NAALADL2: variants seen among roughly 807,000 people sequenced by gnomAD.
NAALADL2 encodes the protein inactive N-acetylated-alpha-linked acidic dipeptidase-like protein 2.
NAALADL2 carries 76 observed loss-of-function variants against 87.2 expected under a neutral mutation model. The observed-to-expected ratio is 0.87, with a 90% CI of 0.72 to 1.05. The LOEUF (loss-of-function observed/expected upper bound fraction) is 1.05. Ranked by LOEUF, NAALADL2 falls within the 50% of genes least tolerant of loss-of-function variation. The probability of loss-of-function intolerance (pLI) is 0.00; values close to 1 mark genes in which losing one functional copy is unlikely to be tolerated. For synonymous variants in NAALADL2, 354 were observed against 331.0 expected (o/e 1.07, Z -0.75); for missense variants, 1,089 against 945.8 (o/e 1.15, Z -1.99).
At chr3:174,934,171 C>T (rs540460259) in intron 1 of NAALADL2, among the ~76,000 whole-genome samples, 1 of 152,294 alleles carries the variant, frequency 6.6e-6, no homozygotes, top group South Asian at 2.1e-4. Flanking sequence ...CTGACAACAA[C>T]AACAGTAACC....
At chr3:175,311,706 C>A (rs1287548913) in intron 4 of NAALADL2, among the ~76,000 whole-genome samples, 2 of 148,318 alleles carry the variant, frequency 1.3e-5, no homozygotes, top group Admixed American at 1.4e-4. Context: ...CTTCCTCTCT[C>A]CCTCCCTCCT....
chr3:175,219,882 T>C, intron 2 of NAALADL2, among the ~76,000 whole-genome samples: 1 of 149,718 alleles, frequency 6.7e-6, no homozygotes, highest in East Asian at 1.9e-4. Flanking sequence ...TTTTTTTTTT[T>C]GCCTATCTTT....
At chr3:174,899,895 T>C (rs1732100772) in intron 1 of NAALADL2, among the ~76,000 whole-genome samples, 1 of 151,932 alleles carries the variant, frequency 6.6e-6, no homozygotes, top group South Asian at 2.1e-4. Context: ...AAAAGTTCTA[T>C]TCCAAAAAGC....
At chr3:175,220,282 T>C (rs188888917) in intron 2 of NAALADL2, among the ~76,000 whole-genome samples, 93 of 151,486 alleles carry the variant, frequency 6.1e-4, no homozygotes, top group Middle Eastern at 6.9e-3. Context: ...ATGTGTCTGT[T>C]ATAACTGATT....
At chr3:175,514,035 G>T (rs75058612) in intron 9 of NAALADL2, among the ~76,000 whole-genome samples, 2 of 152,112 alleles carry the variant, frequency 1.3e-5, no homozygotes, top group African/African-American at 4.8e-5. Flanking sequence ...TCTTCCAAAC[G>T]TATTGATTAC....
intron 1 of NAALADL2, among the ~76,000 whole-genome samples, chr3:174,442,368 C>G (rs533983352): frequency 1.1e-4 from 12 of 112,060 alleles, no homozygotes; most frequent in Admixed American, 2.1e-4. Context: ...ACAATACTTT[C>G]ACCTTTAATT....
At chr3:174,694,008 T>A (rs1728810594) in intron 2 of NAALADL2, among the ~76,000 whole-genome samples, 1 of 152,170 alleles carries the variant, frequency 6.6e-6, no homozygotes, top group South Asian at 2.1e-4. Context: ...GGGTCATATA[T>A]TCTTTTCTAC....
intron 1 of NAALADL2, among the ~76,000 whole-genome samples, chr3:174,506,333 A>G (rs936750399): frequency 1.3e-5 from 2 of 151,756 alleles, no homozygotes; most frequent in Non-Finnish European, 2.9e-5. Context: ...GGCACCCACC[A>G]CCATACCCGC....
At chr3:175,077,728 T>G (rs897265246) in intron 1 of NAALADL2, among the ~76,000 whole-genome samples, 4 of 152,106 alleles carry the variant, frequency 2.6e-5, no homozygotes, top group African/African-American at 9.7e-5. Context: ...AAAAATTGCT[T>G]GTGGTTCTGA....
chr3:175,354,879 T>TACACAC (rs879346024), intron 5 of NAALADL2, among the ~76,000 whole-genome samples: 1 of 116,928 alleles, frequency 8.6e-6, no homozygotes, highest in African/African-American at 3.0e-5. Context: ...CATACATATA[T>TACACAC]ATACACACAC....
intron 2 of NAALADL2, among the ~76,000 whole-genome samples, chr3:175,210,693 AAT>A (rs1741646469): frequency 6.6e-6 from 1 of 151,694 alleles, no homozygotes; most frequent in African/African-American, 2.4e-5. Flanking sequence ...CCCTCAAAAT[AAT>A]ATGAGATGAC....
intron 2 of NAALADL2, among the ~76,000 whole-genome samples, chr3:174,666,453 TAAG>T (rs6148197): frequency 0.64 from 97,765 of 151,752 alleles, 32,139 homozygotes; most frequent in Admixed American, 0.73. Context: ...TTATAATTTT[TAAG>T]AAGTCAATTT....
At chr3:175,715,283 T>C (rs572848889) in intron 11 of NAALADL2, among the ~76,000 whole-genome samples, 3 of 152,278 alleles carry the variant, frequency 2.0e-5, no homozygotes, top group Admixed American at 2.0e-4. Context: ...GTAGAAGAGT[T>C]CAAGAGTTCA....
chr3:175,274,310 G>T (rs913967981), intron 4 of NAALADL2, among the ~76,000 whole-genome samples: 2 of 152,124 alleles, frequency 1.3e-5, no homozygotes, highest in Non-Finnish European at 2.9e-5. Flanking sequence ...CCTCCCAAGG[G>T]CTTCCTCCCA....
intron 10 of NAALADL2, among the ~76,000 whole-genome samples, chr3:175,622,572 C>T (rs941798470): frequency 2.0e-5 from 3 of 151,912 alleles, no homozygotes; most frequent in Non-Finnish European, 4.4e-5. Flanking sequence ...AGATTGACGA[C>T]GAAGATGTGA....
chr3:174,955,909 C>T (rs1741082818), intron 1 of NAALADL2, among the ~76,000 whole-genome samples: 1 of 152,032 alleles, frequency 6.6e-6, no homozygotes, highest in African/African-American at 2.4e-5. Context: ...AGAAACCACA[C>T]TTTGAAAACT....
At chr3:175,446,598 ACT>A (rs1429783820) in intron 5 of NAALADL2, among the ~76,000 whole-genome samples, 2 of 151,868 alleles carry the variant, frequency 1.3e-5, no homozygotes, top group African/African-American at 2.4e-5. Flanking sequence ...CTCCCTGTTC[ACT>A]CTCTCACTCT....
chr3:174,712,425 T>C (rs1340649926), intron 2 of NAALADL2, among the ~76,000 whole-genome samples: 1 of 140,700 alleles, frequency 7.1e-6, no homozygotes, highest in Admixed American at 7.4e-5. Flanking sequence ...TCTTGCTCTG[T>C]CACCCAGGCT....
chr3:175,339,082 C>T (rs1196161625), intron 5 of NAALADL2, among the ~76,000 whole-genome samples: 4 of 152,224 alleles, frequency 2.6e-5, no homozygotes, highest in South Asian at 2.1e-4. Context: ...GGAACAACTG[C>T]GGCAGGCACA....
Sources: gnomAD v4.1 joint callset for allele counts (sites outside exome capture counted in the v4.1 genomes callset) on GRCh38, gnomAD v4.1.1 for gene constraint, MANE v1.5 for transcripts, NCBI Gene and HGNC (gene_info 2026-07-23, HGNC 2026-07-21) for gene names.